The following LRRC4C variants were observed in gnomAD, a reference collection of about 807,000 sequenced individuals.
The protein encoded by LRRC4C is leucine rich repeat containing 4C.
In LRRC4C, 5 loss-of-function variants were observed where a neutral mutation model predicts 33.6. The ratio of observed to expected loss-of-function variants is 0.15; its 90% confidence interval spans 0.08 to 0.31. The LOEUF is 0.31. Among genes scored for constraint, LRRC4C ranks in the 10% least tolerant of loss-of-function variants. LRRC4C has a pLI of 1.00. For missense variants in LRRC4C, 560 were observed against 796.7 expected, an observed-to-expected ratio of 0.70 and a Z score of 3.58; for synonymous variants, 329 against 302.0, an observed-to-expected ratio of 1.09 and a Z score of -0.93.
chr11:41,222,650 C>T (rs535041757), intron 1 of LRRC4C: 1 of 152,072 alleles, frequency 6.6e-6, no homozygotes, highest in South Asian at 2.1e-4. Context: ...AAAGTTTTGA[C>T]CTTGGCCCCA....
chr11:41,384,040 T>C (rs1953259079), intron 1 of LRRC4C, among the ~76,000 whole-genome samples: 2 of 151,990 alleles, frequency 1.3e-5, no homozygotes, highest in South Asian at 4.1e-4. Context: ...GTTGTTTTTG[T>C]TGGTGTTATT....
At chr11:41,186,652 G>A (rs978870006) in intron 1 of LRRC4C, among the ~76,000 whole-genome samples, 2 of 151,992 alleles carry the variant, frequency 1.3e-5, no homozygotes, top group Admixed American at 6.6e-5. Context: ...GAGTTAATTT[G>A]AAACATACTA....
At chr11:40,718,701 GC>G (rs1327470890) in intron 2 of LRRC4C, among the ~76,000 whole-genome samples, 1 of 152,188 alleles carries the variant, frequency 6.6e-6, no homozygotes, top group Non-Finnish European at 1.5e-5. Flanking sequence ...TCTGGAATAA[GC>G]AAGCGCTCAC....
chr11:41,326,875 A>T (rs1031816842), intron 1 of LRRC4C, among the ~76,000 whole-genome samples: 1 of 152,226 alleles, frequency 6.6e-6, no homozygotes, highest in Admixed American at 6.5e-5. Context: ...ACTCTATCAC[A>T]ATTAGAAGAA....
At chr11:41,016,869 A>C (rs1328032303) in intron 1 of LRRC4C, among the ~76,000 whole-genome samples, 1 of 152,202 alleles carries the variant, frequency 6.6e-6, no homozygotes, top group Non-Finnish European at 1.5e-5. Flanking sequence ...CAGAAATGGC[A>C]TCATTAGGTG....
chr11:40,858,747 T>C (rs1953931544), intron 2 of LRRC4C, among the ~76,000 whole-genome samples: 2 of 148,304 alleles, frequency 1.3e-5, no homozygotes, highest in Non-Finnish European at 3.0e-5. Flanking sequence ...CCCAAAGACA[T>C]TGGGACTAAG....
intron 2 of LRRC4C, among the ~76,000 whole-genome samples, chr11:40,830,476 A>C (rs1952363683): frequency 6.6e-6 from 1 of 152,098 alleles, no homozygotes; most frequent in South Asian, 2.1e-4. Context: ...CACTGAACAA[A>C]GAGTAAGTGG....
At chr11:40,287,226 C>T (rs1164134693) in intron 4 of LRRC4C, among the ~76,000 whole-genome samples, 2 of 149,632 alleles carry the variant, frequency 1.3e-5, no homozygotes, top group Non-Finnish European at 3.0e-5. Context: ...TCAGGTTTTC[C>T]AACATAAGGA....
chr11:41,139,951 A>C lies in LRRC4C; in HGVS notation c.-495-206228T>G, dbSNP rs149487804. On this transcript the variant is annotated intron_variant, in intron 1 of 6. Transcript: ENST00000528697. ...ACTTTCTGACCTCTGCGATTTGACAATCCTGGTGTATAAGATAGCCCTTTG... is the reference window on the plus strand; with the variant it reads ...ACTTTCTGACCTCTGCGATTTGACACTCCTGGTGTATAAGATAGCCCTTTG... Among the ~76,000 whole-genome samples the C allele has an allele frequency of 7.6e-3, 1,158 of 152,248 alleles. 19 individuals carry two copies. Among genetic ancestry groups the C allele is most frequent in the African/African-American group, 0.026 (1,099 of 41,546 alleles).
At chr11:41,137,232 A>G (rs1661560259) in intron 1 of LRRC4C, among the ~76,000 whole-genome samples, 1 of 151,772 alleles carries the variant, frequency 6.6e-6, no homozygotes, top group African/African-American at 2.4e-5. Context: ...ACAGTGCAAG[A>G]CTCAGTCTCC....
rs1453613891 is a variant in LRRC4C at position 40,139,143 on chromosome 11, G to A, written c.-43+1658C>T. ...AAGAGGAGGCGGCGAGAACTGAGGG[G>A]AAAAGAGTTTCGGAGGGTTAAAGGA... On this transcript the variant is annotated intron_variant, in intron 6 of 6. Coordinates refer to ENST00000528697, the MANE Select transcript of LRRC4C (RefSeq NM_001258419.2). Among the ~76,000 whole-genome samples the A allele has an allele frequency of 4.6e-5, 7 of 152,172 alleles. No homozygotes were observed. The South Asian group carries it at 6.2e-4, about 14-fold the overall frequency.
chr11:40,591,135 G>A (rs567000375), intron 3 of LRRC4C, among the ~76,000 whole-genome samples: 3 of 152,222 alleles, frequency 2.0e-5, no homozygotes, highest in East Asian at 1.9e-4. Context: ...GTGAGACTCC[G>A]TGGGCATACG....
At chr11:40,733,061 GTTTTTTTTTTTTTTT>G (rs544471413) in intron 2 of LRRC4C, among the ~76,000 whole-genome samples, 9 of 57,602 alleles carry the variant, frequency 1.6e-4, no homozygotes, top group East Asian at 6.1e-4. Context: ...TATGAATATA[GTTTTTTTTTTTTTTT>G]TTTTTTTTTT....
At chr11:40,830,438 T>A (rs1322045143) in intron 2 of LRRC4C, among the ~76,000 whole-genome samples, 1 of 152,088 alleles carries the variant, frequency 6.6e-6, no homozygotes, top group Non-Finnish European at 1.5e-5. Flanking sequence ...TGTCAGTGTT[T>A]TAGGTTTTCT....
At chr11:41,396,832 A>C (rs78468764) in intron 1 of LRRC4C, among the ~76,000 whole-genome samples, 4 of 152,046 alleles carry the variant, frequency 2.6e-5, no homozygotes, top group Non-Finnish European at 5.9e-5. Flanking sequence ...CAAAATAAAA[A>C]ACTGACAAAT....
rs938920038 is a variant in LRRC4C at position 40,964,941 on chromosome 11, A to G, written c.-495-31218T>C. 2.4e-4 allele frequency among the ~76,000 whole-genome samples: 37 copies of G among 152,138 alleles called. 1 individual carries two copies. Among genetic ancestry groups the G allele is most frequent in the African/African-American group, 7.7e-4 (32 of 41,510 alleles). ...TCTAGTTCTAGATCCCTGAGGAATC[A>G]CCACACTGACTTCCACAATGATTGA... On this transcript the variant is annotated intron_variant, in intron 1 of 6. Coordinates refer to ENST00000528697, the MANE Select transcript of LRRC4C (RefSeq NM_001258419.2).
intron 1 of LRRC4C, among the ~76,000 whole-genome samples, chr11:41,228,940 T>G (rs1277442436): frequency 3.3e-5 from 5 of 152,150 alleles, no homozygotes; most frequent in Non-Finnish European, 4.4e-5. Flanking sequence ...TTTTTTTCTT[T>G]TATCTATTTG....
At chr11:40,813,856 A>C (rs941676426) in intron 2 of LRRC4C, among the ~76,000 whole-genome samples, 6 of 152,212 alleles carry the variant, frequency 3.9e-5, no homozygotes, top group Non-Finnish European at 8.8e-5. Context: ...ATAATGTTCC[A>C]AATAATTGGA....
chr11:40,776,430 G>T (rs1456225487), intron 2 of LRRC4C, among the ~76,000 whole-genome samples: 1 of 151,812 alleles, frequency 6.6e-6, no homozygotes, highest in Non-Finnish European at 1.5e-5. Flanking sequence ...TGTGTTCAGG[G>T]TTTCAATTTC....
Sources: gnomAD v4.1 joint callset for allele counts (sites outside exome capture counted in the v4.1 genomes callset) on GRCh38, gnomAD v4.1.1 for gene constraint, MANE v1.5 for transcripts, NCBI Gene and HGNC (gene_info 2026-07-23, HGNC 2026-07-21) for gene names.